TYR: variants seen among roughly 807,000 people sequenced by gnomAD.
TYR encodes the protein tyrosinase, also known as LB24-AB.
In TYR, 58 loss-of-function variants were observed where a neutral mutation model predicts 51.5. The observed-to-expected ratio is 1.13, with a 90% confidence interval of 0.91 to 1.40. The LOEUF is 1.40. TYR is among the 40% of genes most tolerant of loss of function. The pLI, the probability that TYR is intolerant of heterozygous loss-of-function variation, is 0.00. For missense variants in TYR, 732 were observed against 647.4 expected (o/e 1.13, Z -1.42); for synonymous variants, 263 against 235.2 (o/e 1.12, Z -1.08).
At chr11:89,282,726 A>G (rs1445124052) in intron 3 of TYR, among the ~76,000 whole-genome samples, 4 of 151,826 alleles carry the variant, frequency 2.6e-5, no homozygotes, top group South Asian at 2.1e-4. Flanking sequence ...AGAAAAACTC[A>G]TCTTCTTAAA....
At chr11:89,190,227 C>T (rs1943424653) in intron 1 of TYR, among the ~76,000 whole-genome samples, 1 of 152,094 alleles carries the variant, frequency 6.6e-6, no homozygotes, top group Non-Finnish European at 1.5e-5. Flanking sequence ...GGCAGGCTCT[C>T]CAGGAGGTGT....
chr11:89,184,060 T>C (rs1386400969), intron 1 of TYR, among the ~76,000 whole-genome samples: 1 of 152,104 alleles, frequency 6.6e-6, no homozygotes, highest in Non-Finnish European at 1.5e-5. Context: ...ACTAGAATCT[T>C]CATGATCATA....
At chr11:89,198,590 C>A (rs1174890499) in intron 2 of TYR, among the ~76,000 whole-genome samples, 1 of 152,134 alleles carries the variant, frequency 6.6e-6, no homozygotes, top group Non-Finnish European at 1.5e-5. Flanking sequence ...ATACTCCTCA[C>A]ATGTTATCTT....
chr11:89,196,591 T>C (rs1386275595), intron 2 of TYR, among the ~76,000 whole-genome samples: 1 of 152,158 alleles, frequency 6.6e-6, no homozygotes, highest in Non-Finnish European at 1.5e-5. Flanking sequence ...ATACCAAGAA[T>C]AGTGTAAAAT....
At chr11:89,179,097 A>C (rs1444909288) in intron 1 of TYR, among the ~76,000 whole-genome samples, 1 of 152,198 alleles carries the variant, frequency 6.6e-6, no homozygotes, top group Non-Finnish European at 1.5e-5. Flanking sequence ...GAATTGAATA[A>C]ATGAGTGAAT....
chr11:89,212,039 T>G (rs1943765007), intron 2 of TYR, among the ~76,000 whole-genome samples: 1 of 151,738 alleles, frequency 6.6e-6, no homozygotes, highest in African/African-American at 2.4e-5. Context: ...GTAAAAGAAG[T>G]AGAGAAGCAA....
At position 89,241,678 on chromosome 11, in the gene TYR, A is replaced by C. The variant is rs1252067268; in HGVS notation, c.1184+13708A>C. Among the ~76,000 whole-genome samples, 3 of 150,470 alleles carry C rather than the reference A, an allele frequency of 2.0e-5. No homozygotes were observed. In the South Asian group the frequency reaches 6.3e-4, roughly 31 times the overall value. ...TCAGTTAATTCTTACAATTAACTAAAATTGTATCACTACAATTATATAAAG... is the reference window on the plus strand; with the variant it reads ...TCAGTTAATTCTTACAATTAACTAACATTGTATCACTACAATTATATAAAG... On this transcript the variant is annotated intron_variant, in intron 3 of 4. Transcript: ENST00000263321.
At chr11:89,258,293 T>C (rs183998566) in intron 3 of TYR, among the ~76,000 whole-genome samples, 37 of 152,122 alleles carry the variant, frequency 2.4e-4, no homozygotes, top group Non-Finnish European at 4.3e-4. Context: ...TGTGTTTCCA[T>C]ATTAGCTATC....
chr11:89,207,739 A>C (rs1409642786), intron 2 of TYR, among the ~76,000 whole-genome samples: 2 of 152,194 alleles, frequency 1.3e-5, no homozygotes, highest in African/African-American at 4.8e-5. Context: ...GCTGCATATA[A>C]AAAGAATTTT....
chr11:89,294,939 G>A (rs913191531), intron 4 of TYR, among the ~76,000 whole-genome samples: 9 of 152,124 alleles, frequency 5.9e-5, no homozygotes, highest in Non-Finnish European at 7.4e-5. Flanking sequence ...CAACAAGAGG[G>A]GTATTATTTT....
chr11:89,210,553 ATC>A (rs1345088608), intron 2 of TYR, among the ~76,000 whole-genome samples: 1 of 152,214 alleles, frequency 6.6e-6, no homozygotes, highest in Non-Finnish European at 1.5e-5. Context: ...TCAGGATATT[ATC>A]CAGGAGAACT....
chr11:89,207,890 T>C (rs941479692), intron 2 of TYR, among the ~76,000 whole-genome samples: 23 of 152,222 alleles, frequency 1.5e-4, no homozygotes, highest in African/African-American at 5.3e-4. Context: ...AAGGTTACCA[T>C]TGAGGGAAAT....
At chr11:89,279,593 A>G (rs1944697022) in intron 3 of TYR, among the ~76,000 whole-genome samples, 1 of 151,620 alleles carries the variant, frequency 6.6e-6, no homozygotes, top group African/African-American at 2.4e-5. Flanking sequence ...GTCATATAAA[A>G]CTTTGATTAA....
At chr11:89,259,288 C>G (rs891397681) in intron 3 of TYR, among the ~76,000 whole-genome samples, 2 of 152,116 alleles carry the variant, frequency 1.3e-5, no homozygotes, top group African/African-American at 2.4e-5. Flanking sequence ...CCTTCTCATA[C>G]TGAGAATCAA....
At chr11:89,228,879 GAAGA>G (rs1175148883) in intron 3 of TYR, among the ~76,000 whole-genome samples, 1 of 152,094 alleles carries the variant, frequency 6.6e-6, no homozygotes, top group African/African-American at 2.4e-5. Flanking sequence ...AAATTTTCAA[GAAGA>G]AAGGAGAAAA....
chr11:89,204,223 G>A (rs1301106441), intron 2 of TYR, among the ~76,000 whole-genome samples: 1 of 152,170 alleles, frequency 6.6e-6, no homozygotes, highest in East Asian at 1.9e-4. Context: ...GGGGAAAGTA[G>A]TTGAGGAGCA....
At chr11:89,197,323 G>A (rs187915500) in intron 2 of TYR, among the ~76,000 whole-genome samples, 111 of 152,122 alleles carry the variant, frequency 7.3e-4, no homozygotes, top group Middle Eastern at 3.4e-3. Context: ...TAGGCCTCTA[G>A]GAATATGTTC....
At chr11:89,198,640 A>T (rs1591148245) in intron 2 of TYR, among the ~76,000 whole-genome samples, 1 of 152,146 alleles carries the variant, frequency 6.6e-6, no homozygotes, top group South Asian at 2.1e-4. Flanking sequence ...TTCATTGATT[A>T]AACTAAAGCA....
rs185783362 is a variant in TYR, at chr11:89,281,807, C to T, written c.1185-2966C>T. Among the ~76,000 whole-genome samples the T allele has an allele frequency of 1.0e-3, 159 of 151,898 alleles. 1 individual carries two copies. The highest frequency in any genetic ancestry group is 3.7e-3 in the African/African-American group (152 of 41,494). On this transcript the variant is annotated intron_variant, in intron 3 of 4. Transcript: ENST00000263321. Reference sequence around the variant, plus strand: ...CTTTTATTTATAAAACACATCTTTCCATATTTCCATCTGTGTTCATCTTTA... The same window carrying T: ...CTTTTATTTATAAAACACATCTTTCTATATTTCCATCTGTGTTCATCTTTA...
Sources: gnomAD v4.1 joint callset for allele counts (sites outside exome capture counted in the v4.1 genomes callset) on GRCh38, gnomAD v4.1.1 for gene constraint, MANE v1.5 for transcripts, NCBI Gene and HGNC (gene_info 2026-07-23, HGNC 2026-07-21) for gene names.